The following LMCD1 variants were observed in gnomAD, a reference collection of about 807,000 sequenced individuals.
The protein encoded by LMCD1 is LIM and cysteine-rich domains protein 1.
Under a neutral mutation model 42.7 loss-of-function variants are expected in LMCD1, and 32 were observed. The ratio of observed to expected loss-of-function variants is 0.75; its 90% confidence interval spans 0.57 to 1.01. The LOEUF (loss-of-function observed/expected upper bound fraction) is 1.01, where lower values mean the gene tolerates loss of function less well. LMCD1 is among the 50% of genes least tolerant of loss of function. The pLI is 0.00. For synonymous variants in LMCD1, 178 were observed against 184.9 expected (o/e 0.96, Z 0.30); for missense variants, 458 against 483.1 (o/e 0.95, Z 0.49).
chr3:8,563,444 T>G (rs564383694), intron 4 of LMCD1, among the ~76,000 whole-genome samples: 1 of 152,396 alleles, frequency 6.6e-6, no homozygotes, highest in South Asian at 2.1e-4. Context: ...GGGGAATTTA[T>G]GTGTGCGGGG....
chr3:8,533,227 T>G lies in LMCD1; in HGVS notation c.131+402T>G, dbSNP rs2125022924. Among the ~76,000 whole-genome samples the G allele has an allele frequency of 1.3e-5, 2 of 152,100 alleles. 1 individual carries two copies. The highest frequency in any genetic ancestry group is 1.3e-4 in the Admixed American group (2 of 15,282). On this transcript the variant is annotated intron_variant, in intron 2 of 5. Coordinates refer to ENST00000157600, the MANE Select transcript of LMCD1 (RefSeq NM_014583.4). ...GCTGTGGATGGGTTTTGGTCTAGAGTGGCCCCTGGGACAGAAAGAGAGGTC... is the reference window on the plus strand; with the variant it reads ...GCTGTGGATGGGTTTTGGTCTAGAGGGGCCCCTGGGACAGAAAGAGAGGTC...
chr3:8,514,203 G>A (rs1645469516), intron 1 of LMCD1, among the ~76,000 whole-genome samples: 1 of 152,030 alleles, frequency 6.6e-6, no homozygotes, highest in African/African-American at 2.4e-5. Context: ...TTAAAAAACA[G>A]GTGAAGACTT....
In LMCD1 at chr3:8,518,951, G is replaced by C. The variant is rs1181747468; in HGVS notation, c.43-13786G>C. On this transcript the variant is annotated intron_variant, in intron 1 of 5. Coordinates refer to ENST00000157600, the MANE Select transcript of LMCD1 (RefSeq NM_014583.4). ...GATGCAGGATATCTAACATATATTA[G>C]CTTTTGATGTGCCAAGAAGCATAGA... Among the ~76,000 whole-genome samples the C allele has an allele frequency of 7.6e-4, 115 of 152,122 alleles. 2 individuals carry two copies. Among genetic ancestry groups the C allele is most frequent in the Non-Finnish European group, 1.0e-4 (7 of 68,028 alleles).
chr3:8,549,980 C>T (rs1257140940), intron 4 of LMCD1: 2 of 1,413,678 alleles, frequency 1.4e-6, no homozygotes, highest in African/African-American at 1.4e-5. Flanking sequence ...CTTAAAGGCC[C>T]CACCTCTCAA....
At chr3:8,545,525 C>T (rs772879762) in intron 3 of LMCD1, among the ~76,000 whole-genome samples, 16 of 152,242 alleles carry the variant, frequency 1.1e-4, no homozygotes, top group South Asian at 6.2e-4. Flanking sequence ...GTCCAGTGCT[C>T]GAGAATCCCA....
chr3:8,559,218 T>A (rs966262127), intron 4 of LMCD1, among the ~76,000 whole-genome samples: 1 of 152,182 alleles, frequency 6.6e-6, no homozygotes, highest in African/African-American at 2.4e-5. Context: ...CTAGTCTACA[T>A]GCCCTTGGTA....
chr3:8,536,467 A>G (rs1444835120), intron 2 of LMCD1, among the ~76,000 whole-genome samples: 1 of 152,098 alleles, frequency 6.6e-6, no homozygotes, highest in African/African-American at 2.4e-5. Flanking sequence ...AAGCCTTCCC[A>G]ATACACATCC....
rs57776112 is a variant in LMCD1, at chr3:8,569,980, C to CA, written c.*2397dup. ...GGGTGACAGAGTGAGACCCTGTTTC[C>CA]AAAAAAAAAAAAAAAGGATAGGTTG... is the stretch of plus-strand genomic sequence containing the variant. On this transcript the variant is annotated 3_prime_UTR_variant, in exon 6 of 6. Coordinates refer to ENST00000157600, the MANE Select transcript of LMCD1 (RefSeq NM_014583.4). The CA allele has an allele frequency of 0.34, 46,955 of 138,398 alleles. 8,224 individuals are homozygous for CA. The highest frequency in any genetic ancestry group is 0.41 in the Admixed American group (5,699 of 13,778). 8.6% of individuals were successfully genotyped at this position (138,398 alleles called of 1,614,324 possible).
At chr3:8,520,598 G>T (rs1223149661) in intron 1 of LMCD1, among the ~76,000 whole-genome samples, 1 of 152,144 alleles carries the variant, frequency 6.6e-6, no homozygotes, top group African/African-American at 2.4e-5. Flanking sequence ...AGGGAGTTTG[G>T]ATAACTTGTG....
intron 1 of LMCD1, among the ~76,000 whole-genome samples, chr3:8,528,145 G>C (rs1316932106): frequency 6.6e-6 from 1 of 152,106 alleles, no homozygotes; most frequent in African/African-American, 2.4e-5. Flanking sequence ...GTGCCATATT[G>C]CCTCCATATG....
intron 3 of LMCD1, 24 bp downstream of exon 3, chr3:8,537,464 C>A (rs772468315): frequency 6.5e-7 from 1 of 1,533,626 alleles, no homozygotes; most frequent in South Asian, 1.3e-5. Context: ...CCCAACCAAG[C>A]AGTTGTTTTC....
intron 4 of LMCD1, among the ~76,000 whole-genome samples, chr3:8,561,912 C>G (rs559996264): frequency 1.1e-4 from 17 of 152,220 alleles, no homozygotes; most frequent in Middle Eastern, 3.4e-3. Flanking sequence ...CAAAATGACT[C>G]AAAAGATTGT....
chr3:8,544,120 C>T (rs143083390), intron 3 of LMCD1, among the ~76,000 whole-genome samples: 186 of 152,034 alleles, frequency 1.2e-3, no homozygotes, highest in African/African-American at 4.3e-3. Flanking sequence ...ACTGTAACCT[C>T]GGGTTAGTGA....
intron 2 of LMCD1, 68 bp downstream of exon 2, chr3:8,532,893 G>A: frequency 7.5e-7 from 1 of 1,334,648 alleles, no homozygotes; most frequent in Non-Finnish European, 1.1e-6. Flanking sequence ...GGGAACCCTG[G>A]TTGCTTTCTT....
intron 4 of LMCD1, among the ~76,000 whole-genome samples, chr3:8,552,116 G>A (rs563237927): frequency 1.6e-4 from 24 of 152,180 alleles, no homozygotes; most frequent in Non-Finnish European, 2.2e-4. Flanking sequence ...TGTGTTTGTC[G>A]TTACTGTCAG....
chr3:8,527,058 G>C lies in LMCD1; in HGVS notation c.43-5679G>C, dbSNP rs1239810167. ...TTACTAGCTGTTGAATCTTGAAGAA[G>C]AGCTTAACCTCTCTGAGCCTCAGTT... On this transcript the variant is annotated intron_variant, in intron 1 of 5. Transcript: ENST00000157600. Among the ~76,000 whole-genome samples, 2 of 152,172 alleles carry C rather than the reference G, an allele frequency of 1.3e-5. 1 individual carries two copies. Among genetic ancestry groups the C allele is most frequent in the Admixed American group, 1.3e-4 (2 of 15,272 alleles).
intron 4 of LMCD1, among the ~76,000 whole-genome samples, chr3:8,556,493 A>C (rs1386670498): frequency 6.6e-6 from 1 of 152,160 alleles, no homozygotes; most frequent in Non-Finnish European, 1.5e-5. Context: ...ATTTCAAAAA[A>C]CAAAGCTGAG....
At chr3:8,566,731 A>G (rs774093331) in intron 5 of LMCD1, among the ~76,000 whole-genome samples, 1 of 152,246 alleles carries the variant, frequency 6.6e-6, no homozygotes, top group Non-Finnish European at 1.5e-5. Context: ...CTGAAAGGTC[A>G]ATGCTAATTA....
intron 3 of LMCD1, among the ~76,000 whole-genome samples, chr3:8,545,202 A>G (rs1195365457): frequency 1.3e-5 from 2 of 152,206 alleles, no homozygotes; most frequent in African/African-American, 4.8e-5. Context: ...TCTAAGAAAA[A>G]GCGATTTTAG....
Sources: allele counts gnomAD v4.1 joint callset (sites outside exome capture counted in the v4.1 genomes callset), GRCh38; gene constraint gnomAD v4.1.1; transcripts MANE v1.5; gene names NCBI Gene and HGNC (gene_info 2026-07-23, HGNC 2026-07-21).